Variants in CNNM4 observed in about 807,000 individuals in gnomAD.
CNNM4 encodes the protein metal transporter CNNM4.
CNNM4 carries 32 observed loss-of-function variants against 53.7 expected under a neutral mutation model. That is an observed-to-expected ratio of 0.60 (90% CI 0.45 to 0.80). CNNM4 has a LOEUF of 0.80. CNNM4 is among the 30% of genes least tolerant of loss of function. The pLI is 0.00. For missense variants in CNNM4, 784 were observed against 1,022.0 expected (o/e 0.77, Z 3.17); for synonymous variants, 410 against 440.0 (o/e 0.93, Z 0.85).
intron 5 of CNNM4, among the ~76,000 whole-genome samples, chr2:96,807,977 C>T (rs942304614): frequency 6.6e-6 from 1 of 152,064 alleles, no homozygotes; most frequent in East Asian, 1.9e-4. Flanking sequence ...CAATATCCAC[C>T]TCCCAGGTTC....
chr2:96,778,109 T>C (rs922996491), intron 1 of CNNM4, among the ~76,000 whole-genome samples: 7 of 149,954 alleles, frequency 4.7e-5, no homozygotes, highest in African/African-American at 1.7e-4. Flanking sequence ...TCAAGTGATC[T>C]GCCCACCTTG....
At chr2:96,806,541 G>A (rs1279148332) in intron 5 of CNNM4, among the ~76,000 whole-genome samples, 1,560 of 133,066 alleles carry the variant, frequency 0.012, 23 homozygotes, top group African/African-American at 0.043. Flanking sequence ...ACACACGCGC[G>A]CGCGCGCGCG....
intron 1 of CNNM4, among the ~76,000 whole-genome samples, chr2:96,770,300 C>T (rs981479376): frequency 5.3e-5 from 8 of 152,198 alleles, no homozygotes; most frequent in African/African-American, 1.9e-4. Flanking sequence ...CTGCTCACCT[C>T]TGGTCAGGAC....
At chr2:96,799,736 G>A (rs573950374) in intron 5 of CNNM4, 88 bp downstream of exon 5, 27 of 1,122,124 alleles carry the variant, frequency 2.4e-5, no homozygotes, top group African/African-American at 1.2e-4. Flanking sequence ...GCATGGGCCC[G>A]AGAGCTCATA....
Position 96,797,759 on chromosome 2 carries a change from G to A in CNNM4, c.1681+112G>A. On this transcript the variant is annotated intron_variant, in intron 3 of 6. Transcript: ENST00000377075. This position sits in a 1 kb window ranked among gnomAD's most constrained non-coding sequence, Gnocchi z 6.0. ...ACGAGGGCTGCAGCAGGTGAGGGGT[G>A]CAGAGACAACACAGCCACCCCTGGA... 1.4e-6 allele frequency: 2 copies of A among 1,453,616 alleles called. No individual in the cohort carries two copies. Among genetic ancestry groups the A allele is most frequent in the Non-Finnish European group, 1.9e-6 (2 of 1,065,580 alleles). The allele number at this position is 1,453,616 out of a possible 1,614,324, so 90.0% of individuals were successfully genotyped here. A position where few individuals can be genotyped will look rare whatever the true frequency, so the allele number is the denominator to read the frequency against.
chr2:96,790,003 A>ATTTTTTT (rs1014369887), intron 1 of CNNM4, among the ~76,000 whole-genome samples: 1 of 61,724 alleles, frequency 1.6e-5, no homozygotes, highest in Non-Finnish European at 3.0e-5. Flanking sequence ...CCGGGCTAGA[A>ATTTTTTT]TTTTTTTTTT....
chr2:96,806,529 A>ACGCGCGCG (rs1171614187), intron 5 of CNNM4, among the ~76,000 whole-genome samples: 2 of 142,280 alleles, frequency 1.4e-5, no homozygotes, highest in Non-Finnish European at 3.1e-5. Flanking sequence ...ACACACACAC[A>ACGCGCGCG]CACACACGCG....
In CNNM4 at chr2:96,762,236, G is replaced by A. The variant is rs767059270; in HGVS notation, c.1237G>A (p.Asp413Asn). 1 of 1,614,206 alleles carries A rather than the reference G, an allele frequency of 6.2e-7. No individual in the cohort carries two copies. Among genetic ancestry groups the A allele is most frequent in the South Asian group, 1.1e-5 (1 of 91,080 alleles). Residue 413 changes from aspartate (D) to asparagine (N), a missense_variant, in exon 1 of 7, where the codon GAC becomes AAC. Around this residue, in one of 3 missense-constraint regions of CNNM4, gnomAD observed 473 missense variants for 624.6 expected, o/e 0.76. Transcript: ENST00000377075. The part of the protein sequence containing the change: ...SGYTRIPVFE[D>N]EQSNIVDILY... ...CTATACTCGCATCCCGGTGTTCGAA[G>A]ACGAGCAGTCCAATATTGTAGATAT... is the stretch of plus-strand genomic sequence containing the variant.
At position 96,761,212 on chromosome 2, in the gene CNNM4, C is replaced by T. The variant is rs1302566838; in HGVS notation, c.213C>T (p.Gly71=). Residue 71 remains glycine (G), a synonymous_variant, in exon 1 of 7, where the codon GGC becomes GGT. Coordinates refer to ENST00000377075, the MANE Select transcript of CNNM4 (RefSeq NM_020184.4). The surrounding 1 kb of genome is among the most constrained non-coding windows in gnomAD (Gnocchi z 6.0). ...NPDGIIFVSE[G]STVNLRLYGY... The stretch of plus-strand genomic sequence containing the variant: ...ATGGCATCATCTTCGTGTCCGAGGG[C>T]AGCACCGTGAACCTGAGGCTGTACG... 6.2e-7 allele frequency: 1 copy of T among 1,614,022 alleles called. No individual in the cohort carries two copies. The highest frequency in any genetic ancestry group is 1.3e-5 in the African/African-American group (1 of 74,936).
chr2:96,773,391 A>G (rs914498571), intron 1 of CNNM4, among the ~76,000 whole-genome samples: 1 of 152,150 alleles, frequency 6.6e-6, no homozygotes, highest in Non-Finnish European at 1.5e-5. Context: ...TATTATTGCT[A>G]TTATCCAAAG....
chr2:96,767,726 C>T (rs2078831385), intron 1 of CNNM4, among the ~76,000 whole-genome samples: 1 of 152,172 alleles, frequency 6.6e-6, no homozygotes, highest in South Asian at 2.1e-4. Context: ...GTTACTCCTC[C>T]TCTCAGCAAG....
intron 1 of CNNM4, among the ~76,000 whole-genome samples, chr2:96,779,634 C>A (rs968172195): frequency 2.7e-5 from 4 of 150,920 alleles, no homozygotes; most frequent in African/African-American, 9.8e-5. Flanking sequence ...TGATCTGTTT[C>A]TTTTTCTTTG....
chr2:96,805,445 T>TATTA (rs140662835), intron 5 of CNNM4, among the ~76,000 whole-genome samples: 17 of 140,544 alleles, frequency 1.2e-4, no homozygotes, highest in African/African-American at 4.7e-4. Context: ...TTTTTATTAT[T>TATTA]TTTTTTTAAA....
intron 1 of CNNM4, among the ~76,000 whole-genome samples, chr2:96,772,280 C>T (rs1360084131): frequency 7.1e-6 from 1 of 141,346 alleles, no homozygotes; most frequent in Non-Finnish European, 1.5e-5. Flanking sequence ...CACACACACT[C>T]ATACCCCCAC....
rs557758830 is a variant in CNNM4, at chr2:96,774,428, A to T, written c.1402+12027A>T. ...GACCCTGTGTTTAAAAATTTTTTTTAAATTAAAAAGTTAAAAAAAAAGAAC... is the reference window on the plus strand; with the variant it reads ...GACCCTGTGTTTAAAAATTTTTTTTTAATTAAAAAGTTAAAAAAAAAGAAC... On this transcript the variant is annotated intron_variant, in intron 1 of 6. Coordinates refer to ENST00000377075, the MANE Select transcript of CNNM4 (RefSeq NM_020184.4). 2.4e-3 allele frequency among the ~76,000 whole-genome samples: 372 copies of T among 152,272 alleles called. 3 individuals are homozygous for T. Among genetic ancestry groups the T allele is most frequent in the African/African-American group, 7.8e-3 (326 of 41,538 alleles).
At chr2:96,767,206 G>T (rs1036559167) in intron 1 of CNNM4, among the ~76,000 whole-genome samples, 51 of 152,212 alleles carry the variant, frequency 3.4e-4, no homozygotes, top group Admixed American at 2.9e-3. Context: ...GCTCACGGCA[G>T]TTAGTGCCAG....
chr2:96,783,447 G>A (rs957692211), intron 1 of CNNM4, among the ~76,000 whole-genome samples: 26 of 152,324 alleles, frequency 1.7e-4, no homozygotes, highest in Non-Finnish European at 3.1e-4. Context: ...CCAGGGACCA[G>A]CGTCTGGGTG....
Position 96,762,343 on chromosome 2 carries a change from G to A in CNNM4, c.1344G>A (p.Pro448=), listed in dbSNP as rs776405394. Residue 448 remains proline (P), a synonymous_variant, in exon 1 of 7, where the codon CCG becomes CCA. Coordinates refer to ENST00000377075, the MANE Select transcript of CNNM4 (RefSeq NM_020184.4). The part of the protein sequence containing the change: ...LKTITRFYNH[P]VHFVFHDTKL... Reference sequence around the variant, plus strand: ...CTATCACTCGCTTCTATAACCACCCGGTGCACTTTGTCTTCCATGACACCA... The same window carrying A: ...CTATCACTCGCTTCTATAACCACCCAGTGCACTTTGTCTTCCATGACACCA... The A allele has an allele frequency of 5.0e-6, 8 of 1,614,086 alleles. No individual in the cohort carries two copies. The highest frequency in any genetic ancestry group is 1.1e-5 in the South Asian group (1 of 91,074).
intron 1 of CNNM4, among the ~76,000 whole-genome samples, chr2:96,796,535 G>C (rs2079106099): frequency 6.6e-6 from 1 of 152,098 alleles, no homozygotes; most frequent in Non-Finnish European, 1.5e-5. Context: ...GCTGAGATGG[G>C]AGGACTGCTT....
Sources: gnomAD v4.1 joint callset for allele counts (sites outside exome capture counted in the v4.1 genomes callset) on GRCh38, gnomAD v4.1.1 for gene constraint, gnomAD v4.1.1 regional missense constraint, Gnocchi (gnomAD v3.1) non-coding constraint, MANE v1.5 for transcripts, NCBI Gene and HGNC (gene_info 2026-07-23, HGNC 2026-07-21) for gene names.